The following ANKRD26 variants were observed in gnomAD, a reference collection of about 807,000 sequenced individuals.
The protein encoded by ANKRD26 is ankyrin repeat domain-containing protein 26.
In ANKRD26, 141 loss-of-function variants were observed where a neutral mutation model predicts 208.7. That is an observed-to-expected ratio of 0.68 (90% CI 0.59 to 0.78). The LOEUF is 0.78. ANKRD26 is among the 30% of genes least tolerant of loss of function. ANKRD26 has a pLI of 0.00. For missense variants in ANKRD26, 1,889 were observed against 1,938.7 expected (o/e 0.97, Z 0.48); for synonymous variants, 636 against 660.4 (o/e 0.96, Z 0.57).
At chr10:27,049,960 C>T (rs943668705) in intron 16 of ANKRD26, among the ~76,000 whole-genome samples, 3 of 151,980 alleles carry the variant, frequency 2.0e-5, no homozygotes, top group Non-Finnish European at 4.4e-5. Context: ...CAGTGGCTCA[C>T]GCCTGTAATC....
At position 27,043,597 on chromosome 10, in the gene ANKRD26, G is replaced by T. The variant is rs745328137; in HGVS notation, c.2020-30C>A. ...GAAATAAATAACACTGTTTCAAAATGTCCCCAGAATATTTATAGCACATAC... is the reference window on the plus strand; with the variant it reads ...GAAATAAATAACACTGTTTCAAAATTTCCCCAGAATATTTATAGCACATAC... On this transcript the variant is annotated intron_variant, in intron 19 of 33. Transcript: ENST00000376087. 1.2e-5 allele frequency: 19 copies of T among 1,597,874 alleles called. No homozygotes were observed. In the East Asian group the frequency reaches 4.0e-4, roughly 34 times the overall value.
intron 16 of ANKRD26, among the ~76,000 whole-genome samples, chr10:27,050,381 T>G (rs2054613499): frequency 6.6e-6 from 1 of 152,194 alleles, no homozygotes; most frequent in Non-Finnish European, 1.5e-5. Context: ...TGATAGGGTA[T>G]ACATGCCCAA....
intron 4 of ANKRD26, among the ~76,000 whole-genome samples, chr10:27,089,190 C>A (rs540231120): frequency 2.6e-5 from 4 of 152,304 alleles, no homozygotes; most frequent in Admixed American, 6.5e-5. Flanking sequence ...AACAAAATCA[C>A]TGGTAACAAA....
intron 4 of ANKRD26, among the ~76,000 whole-genome samples, chr10:26,997,942 C>T (rs937101500): frequency 5.3e-5 from 8 of 152,204 alleles, no homozygotes; most frequent in Non-Finnish European, 2.9e-5. Context: ...CACTTTCTCT[C>T]GTCTTTTCTC....
downstream of ANKRD26, among the ~76,000 whole-genome samples, chr10:27,001,463 A>G (rs756979336): frequency 8.9e-4 from 136 of 152,276 alleles, no homozygotes; most frequent in Non-Finnish European, 1.4e-3. Context: ...CCGTGGTGAA[A>G]TGCACAGGGT....
At chr10:27,049,027 A>G (rs927318639) in intron 16 of ANKRD26, 48 bp from the exon 17 acceptor site, 1 of 1,444,790 alleles carries the variant, frequency 6.9e-7, no homozygotes, top group Middle Eastern at 1.9e-4. Context: ...TTTATTCAAT[A>G]ATAATTTCTT....
At chr10:27,009,085 C>G (rs140391484) in intron 32 of ANKRD26, among the ~76,000 whole-genome samples, 3 of 152,178 alleles carry the variant, frequency 2.0e-5, no homozygotes, top group Non-Finnish European at 4.4e-5. Flanking sequence ...GTGATCCGCC[C>G]ACCTGGGCCT....
chr10:27,015,099 G>A (rs749044394), intron 30 of ANKRD26, among the ~76,000 whole-genome samples: 2 of 152,100 alleles, frequency 1.3e-5, no homozygotes, highest in African/African-American at 2.4e-5. Flanking sequence ...AGATATTTTC[G>A]AATGAAAAAT....
chr10:27,077,769 TCAC>T (rs1204942748), intron 7 of ANKRD26, 76 bp from the exon 8 acceptor site: 1 of 1,240,658 alleles, frequency 8.1e-7, no homozygotes, highest in Admixed American at 1.9e-5. Flanking sequence ...TAATAGATAG[TCAC>T]CATTACTACA....
At position 27,044,140 on chromosome 10, in the gene ANKRD26, TTTA is replaced by T; in HGVS notation, c.2019+14_2019+16del. ...TTTTTTTAAACAATAATTTTGATAATTTATTTTTTACAGTACCTTGTTCTTTTC... is the reference window on the plus strand; with the variant it reads ...TTTTTTTAAACAATAATTTTGATAATTTTTTTACAGTACCTTGTTCTTTTC... On this transcript the variant is annotated intron_variant, in intron 19 of 33. Coordinates refer to ENST00000376087, the MANE Select transcript of ANKRD26 (RefSeq NM_014915.3). 1 of 1,365,360 alleles carries T rather than the reference TTTA, an allele frequency of 7.3e-7. No homozygotes were observed. The highest frequency in any genetic ancestry group is 2.7e-5 in the East Asian group (1 of 37,238). 84.6% of individuals were successfully genotyped at this position (1,365,360 alleles called of 1,614,324 possible).
intron 1 of ANKRD26, among the ~76,000 whole-genome samples, chr10:27,096,765 C>CAA (rs1177909846): frequency 2.6e-4 from 19 of 73,158 alleles, no homozygotes; most frequent in African/African-American, 5.1e-4. Context: ...GACTCCATCT[C>CAA]AAAAAAAAAA....
chr10:26,982,212 CT>C (rs1398625006), intron 4 of ANKRD26, among the ~76,000 whole-genome samples: 1 of 152,152 alleles, frequency 6.6e-6, no homozygotes, highest in Non-Finnish European at 1.5e-5. Flanking sequence ...TTCAAGAGAA[CT>C]GTTTTAGGGT....
chr10:27,073,852 G>A (rs928211707), intron 9 of ANKRD26, among the ~76,000 whole-genome samples: 3 of 152,084 alleles, frequency 2.0e-5, no homozygotes, highest in African/African-American at 4.8e-5. Context: ...CCAGTACATC[G>A]TTATTACTAC....
At chr10:27,067,416 G>T in intron 9 of ANKRD26, 130 bp from the exon 10 acceptor site, 2 of 1,115,166 alleles carry the variant, frequency 1.8e-6, no homozygotes, top group Non-Finnish European at 2.5e-6. Context: ...CAAGATGGGG[G>T]CATAGTTTTT....
chr10:27,029,029 T>A (rs535689758), intron 26 of ANKRD26, 84 bp from the exon 27 acceptor site: 1 of 1,164,036 alleles, frequency 8.6e-7, no homozygotes, highest in South Asian at 1.4e-5. Context: ...CCTGAAGGCA[T>A]AATTACATAA....
rs199590440 is a variant in ANKRD26, at chr10:27,053,311, A to G, written c.1635+9T>C. 1.1e-4 allele frequency: 169 copies of G among 1,589,832 alleles called. 1 individual carries two copies. The highest frequency in any genetic ancestry group is 1.7e-5 in the Admixed American group (1 of 59,880). ...TATTAAACCAGAAATTTTTAAAAAT[A>G]TATAATACCTGTGGCTGGTTATTTT... On this transcript the variant is annotated intron_variant, in intron 16 of 33. Coordinates refer to ENST00000376087, the MANE Select transcript of ANKRD26 (RefSeq NM_014915.3).
In ANKRD26 at chr10:27,017,554, C is replaced by G. The variant is rs1026673242; in HGVS notation, c.4454G>C (p.Arg1485Thr). ...VKQYKQEIEE[R>T]ARQEIAEKLK... ...TTTTTCTGCTATTTCCTGTCTTGCT[C>G]TTTCTTCAATCTCCTGTTTATACTG... is the stretch of plus-strand genomic sequence containing the variant. The change falls in exon 30 of 34, where the codon AGA becomes ACA. Residue 1485 changes from arginine (R) to threonine (T), a missense_variant. This residue lies in a region of ANKRD26 where 613 missense variants were observed against 648.2 expected (regional missense o/e 0.95). Transcript: ENST00000376087. 6.2e-7 allele frequency: 1 copy of G among 1,613,564 alleles called. No individual in the cohort carries two copies. Among genetic ancestry groups the G allele is most frequent in the Non-Finnish European group, 8.5e-7 (1 of 1,179,836 alleles).
the ANKRD26 span, among the ~76,000 whole-genome samples, chr10:26,963,302 T>G: frequency 6.6e-6 from 1 of 152,162 alleles, no homozygotes; most frequent in Admixed American, 6.6e-5. Flanking sequence ...AAAACTCAAT[T>G]CCTGCAAACT....
chr10:27,038,071 T>G lies in ANKRD26; in HGVS notation c.2376-17A>C, dbSNP rs764681983. The G allele has an allele frequency of 6.3e-7, 1 of 1,588,646 alleles. No homozygotes were observed. Among genetic ancestry groups the G allele is most frequent in the East Asian group, 2.2e-5 (1 of 44,594 alleles). ...AAGCTAAATCTGCAGTTAAATATGT[T>G]TATCTTAAAATCTGTATTGTTACAA... On this transcript the variant is annotated splice_polypyrimidine_tract_variant and intron_variant, in intron 21 of 33. Coordinates refer to ENST00000376087, the MANE Select transcript of ANKRD26 (RefSeq NM_014915.3).
Sources: gnomAD v4.1 joint callset for allele counts (sites outside exome capture counted in the v4.1 genomes callset) on GRCh38, gnomAD v4.1.1 for gene constraint, gnomAD v4.1.1 regional missense constraint, MANE v1.5 for transcripts, NCBI Gene and HGNC (gene_info 2026-07-23, HGNC 2026-07-21) for gene names.